Variants in ITSN1 observed in about 807,000 individuals in gnomAD.
ITSN1 encodes the protein intersectin 1.
ITSN1 carries 58 observed loss-of-function variants against 239.8 expected under a neutral mutation model. That is an observed-to-expected ratio of 0.24 (90% CI 0.20 to 0.30). The LOEUF is 0.30. Ranked by LOEUF, ITSN1 falls within the 10% of genes least tolerant of loss-of-function variation. The pLI, the probability that ITSN1 is intolerant of heterozygous loss-of-function variation, is 1.00. For synonymous variants in ITSN1, 780 were observed against 770.8 expected (o/e 1.01, Z -0.20); for missense variants, 1,558 against 2,103.3 (o/e 0.74, Z 5.07).
chr21:33,829,895 T>G lies in ITSN1; in HGVS notation c.3351+150T>G, dbSNP rs1024109166. 12 of 876,398 alleles carry G rather than the reference T, an allele frequency of 1.4e-5. No individual in the cohort carries two copies. The African/African-American group carries it at 1.5e-4, about 11-fold the overall frequency. 54.3% of individuals were successfully genotyped at this position (876,398 alleles called of 1,614,324 possible). A position where few individuals can be genotyped will look rare whatever the true frequency, so the allele number is the denominator to read the frequency against. On this transcript the variant is annotated intron_variant, in intron 27 of 39. Transcript: ENST00000381318. The stretch of plus-strand genomic sequence containing the variant: ...GTGAGAGATGCCAAATTTTCTGTGT[T>G]TGTTTGGTTCCTAAGTTTCAGACAG...
intron 1 of ITSN1, among the ~76,000 whole-genome samples, chr21:33,702,051 G>A (rs2092034949): frequency 6.6e-6 from 1 of 150,402 alleles, no homozygotes; most frequent in Admixed American, 6.6e-5. Context: ...CTGGGCGAAA[G>A]AGCGAAACTC....
chr21:33,654,708 A>G (rs1259322747), intron 1 of ITSN1, among the ~76,000 whole-genome samples: 2 of 152,204 alleles, frequency 1.3e-5, no homozygotes, highest in African/African-American at 4.8e-5. Context: ...AATATGCTCA[A>G]GGACCCTAAG....
intron 4 of ITSN1, among the ~76,000 whole-genome samples, chr21:33,723,158 A>G (rs2065602615): frequency 6.6e-6 from 1 of 152,234 alleles, no homozygotes; most frequent in Non-Finnish European, 1.5e-5. Flanking sequence ...CAGAGAGTAT[A>G]ATAAAAAGGG....
chr21:33,720,703 G>A (rs8130945), intron 2 of ITSN1, among the ~76,000 whole-genome samples: 148,680 of 152,246 alleles, frequency 0.98, 72,615 homozygotes, highest in East Asian at 1. Flanking sequence ...GAGTTGTGCA[G>A]CCATCACCAC....
intron 9 of ITSN1, among the ~76,000 whole-genome samples, chr21:33,762,254 T>A (rs541892483): frequency 2.6e-5 from 4 of 152,004 alleles, no homozygotes; most frequent in African/African-American, 9.7e-5. Flanking sequence ...GCTCTCCCTG[T>A]CTTTGATTTC....
At chr21:33,830,921 G>T (rs771924717) in intron 27 of ITSN1, among the ~76,000 whole-genome samples, 4 of 151,948 alleles carry the variant, frequency 2.6e-5, no homozygotes, top group Non-Finnish European at 4.4e-5. Context: ...GAGGGAGAAC[G>T]CGCACAAATG....
intron 1 of ITSN1, among the ~76,000 whole-genome samples, chr21:33,674,259 TCA>T (rs545483001): frequency 1.8e-4 from 28 of 152,350 alleles, no homozygotes; most frequent in Non-Finnish European, 3.1e-4. Context: ...ATTTAGCAGC[TCA>T]GTCTGTTTGA....
chr21:33,757,225 T>C (rs1366813922), intron 8 of ITSN1, among the ~76,000 whole-genome samples: 2 of 152,220 alleles, frequency 1.3e-5, no homozygotes, highest in South Asian at 2.1e-4. Context: ...TAGTATTCAA[T>C]TGAGACATTG....
intron 22 of ITSN1, chr21:33,814,308 T>A: frequency 2.0e-6 from 1 of 498,930 alleles, no homozygotes; most frequent in Non-Finnish European, 3.6e-6. Context: ...GAAGCTTCAT[T>A]GCAGAAGTGG....
At chr21:33,842,797 C>T (rs985070242) in intron 29 of ITSN1, among the ~76,000 whole-genome samples, 2 of 152,114 alleles carry the variant, frequency 1.3e-5, no homozygotes, top group African/African-American at 2.4e-5. Flanking sequence ...CTCTTGATGC[C>T]GTTTCTCTGA....
chr21:33,818,850 A>C (rs2073461257), intron 23 of ITSN1, among the ~76,000 whole-genome samples: 1 of 152,220 alleles, frequency 6.6e-6, no homozygotes, highest in African/African-American at 2.4e-5. Flanking sequence ...AGAAGGACTT[A>C]ATTGTCTTTT....
intron 9 of ITSN1, among the ~76,000 whole-genome samples, chr21:33,763,670 G>T (rs928218861): frequency 6.6e-6 from 1 of 151,974 alleles, no homozygotes; most frequent in African/African-American, 2.4e-5. Flanking sequence ...TGCCAGAGAG[G>T]TCTCTGTGTA....
At chr21:33,845,546 G>T (rs2074965448) in intron 29 of ITSN1, among the ~76,000 whole-genome samples, 1 of 151,194 alleles carries the variant, frequency 6.6e-6, no homozygotes, top group African/African-American at 2.4e-5. Context: ...TGCCTGATCT[G>T]CCCCCTTCTC....
intron 16 of ITSN1, among the ~76,000 whole-genome samples, chr21:33,793,904 A>G (rs1041547745): frequency 6.6e-6 from 1 of 152,208 alleles, no homozygotes; most frequent in East Asian, 1.9e-4. Flanking sequence ...TGAGGTTTGA[A>G]TGGAGGTAGT....
intron 14 of ITSN1, among the ~76,000 whole-genome samples, chr21:33,776,868 A>G (rs574555870): frequency 6.6e-6 from 1 of 152,090 alleles, no homozygotes; most frequent in Non-Finnish European, 1.5e-5. Flanking sequence ...CTTGGGTTTA[A>G]TTTTTGTTAG....
chr21:33,727,432 G>A (rs7279046), intron 4 of ITSN1, among the ~76,000 whole-genome samples: 4,333 of 151,000 alleles, frequency 0.029, 204 homozygotes, highest in African/African-American at 0.1. Context: ...GGCCCTGAGA[G>A]GAAAGAAGGG....
At chr21:33,738,351 A>G (rs2066628043) in intron 5 of ITSN1, among the ~76,000 whole-genome samples, 1 of 152,090 alleles carries the variant, frequency 6.6e-6, no homozygotes, top group African/African-American at 2.4e-5. Flanking sequence ...GAAATTGAAC[A>G]TTTTGCTTAA....
At chr21:33,648,545 T>A (rs547834808) in intron 1 of ITSN1, among the ~76,000 whole-genome samples, 1 of 152,294 alleles carries the variant, frequency 6.6e-6, no homozygotes, top group South Asian at 2.1e-4. Flanking sequence ...TCACATAAGT[T>A]AGCTCAGAAA....
intron 29 of ITSN1, among the ~76,000 whole-genome samples, chr21:33,853,914 C>T (rs902005089): frequency 6.6e-6 from 1 of 152,176 alleles, no homozygotes; most frequent in African/African-American, 2.4e-5. Context: ...GAGGGTGGGG[C>T]AGTAGCACCG....
Sources: allele counts gnomAD v4.1 joint callset (sites outside exome capture counted in the v4.1 genomes callset), GRCh38; gene constraint gnomAD v4.1.1; transcripts MANE v1.5; gene names NCBI Gene and HGNC (gene_info 2026-07-23, HGNC 2026-07-21).